TECPR1: variants seen among roughly 807,000 people sequenced by gnomAD.
The protein encoded by TECPR1 is tectonin beta-propeller repeat containing 1, also known as tectonin beta-propeller repeat-containing protein 1.
TECPR1 carries 122 observed loss-of-function variants against 162.4 expected under a neutral mutation model. That is an observed-to-expected ratio of 0.75 (90% CI 0.65 to 0.87). TECPR1 has a LOEUF of 0.87. Ranked by LOEUF, TECPR1 falls within the 40% of genes least tolerant of loss-of-function variation. The pLI, the probability that TECPR1 is intolerant of heterozygous loss-of-function variation, is 0.00. For synonymous variants in TECPR1, 642 were observed against 670.6 expected, an observed-to-expected ratio of 0.96 and a Z score of 0.66; for missense variants, 1,432 against 1,618.2, an observed-to-expected ratio of 0.88 and a Z score of 1.97.
rs1264095030 is a variant in TECPR1 at position 98,236,765 on chromosome 7, C to A, written c.1181+11G>T. The A allele has an allele frequency of 1.3e-6, 2 of 1,593,350 alleles. No homozygotes were observed. Among genetic ancestry groups the A allele is most frequent in the East Asian group, 4.6e-5 (2 of 43,538 alleles). ...AGCCTGACTCCTGCGCACCCTGCCA[C>A]CCCCAGTCACCTGAGGAGACTAGAC... On this transcript the variant is annotated intron_variant, in intron 10 of 25. Transcript: ENST00000447648.
Position 98,216,904 on chromosome 7 carries a change from C to G in TECPR1, c.*486G>C, listed in dbSNP as rs552804933. On this transcript the variant is annotated 3_prime_UTR_variant, in exon 26 of 26. Coordinates refer to ENST00000447648, the MANE Select transcript of TECPR1 (RefSeq NM_015395.3). ...TGAAATTAAAGCCTCTTTGCAAGTCCTGCTCTGAGAAATGGTCACTGCACA... is the reference window on the plus strand; with the variant it reads ...TGAAATTAAAGCCTCTTTGCAAGTCGTGCTCTGAGAAATGGTCACTGCACA... 6.4e-6 allele frequency: 1 copy of G among 156,864 alleles called. No individual in the cohort carries two copies. Among genetic ancestry groups the G allele is most frequent in the African/African-American group, 2.4e-5 (1 of 41,648 alleles). The allele number at this position is 156,864 out of a possible 1,614,324, so 9.7% of individuals were successfully genotyped here. A position where few individuals can be genotyped will look rare whatever the true frequency, so the allele number is the denominator to read the frequency against.
At chr7:98,245,823 G>T in intron 3 of TECPR1, 99 bp downstream of exon 3, 1 of 1,095,136 alleles carries the variant, frequency 9.1e-7, no homozygotes. Context: ...GGAACTGGTG[G>T]GGAATCTGGG....
At chr7:98,240,764 A>T in intron 8 of TECPR1, 87 bp downstream of exon 8, 1 of 1,154,460 alleles carries the variant, frequency 8.7e-7, no homozygotes, top group Non-Finnish European at 1.2e-6. Flanking sequence ...TCTGTCACCC[A>T]GGCTGGAGTC....
At position 98,233,455 on chromosome 7, in the gene TECPR1, T is replaced by C; in HGVS notation, c.1638A>G (p.Ala546=). ...CAGTGAACCATCTGGGCATGGCACA[T>C]GCCTCCACCACGCAGCCGCCTCCCG... ...WVSGGGCVVE[A]CAMPRWFTVQ... Residue 546 remains alanine (A), a synonymous_variant, in exon 11 of 26, where the codon GCA becomes GCG. Coordinates refer to ENST00000447648, the MANE Select transcript of TECPR1 (RefSeq NM_015395.3). 1 of 1,473,832 alleles carries C rather than the reference T, an allele frequency of 6.8e-7. No homozygotes were observed. The highest frequency in any genetic ancestry group is 9.0e-7 in the Non-Finnish European group (1 of 1,113,860). The allele number at this position is 1,473,832 out of a possible 1,614,324, so 91.3% of individuals were successfully genotyped here.
chr7:98,233,608 G>A lies in TECPR1; in HGVS notation c.1485C>T (p.Ala495=), dbSNP rs1798512272. The A allele has an allele frequency of 6.3e-7, 1 of 1,587,260 alleles. No individual in the cohort carries two copies. Among genetic ancestry groups the A allele is most frequent in the South Asian group, 1.1e-5 (1 of 87,226 alleles). ...LPWTNIDLKE[A]KKVPSHSAAG... Reference sequence around the variant, plus strand: ...CGGCCGAGTGGCTGGGCACTTTCTTGGCCTCCTTGAGGTCAATATTGGTCC... The same window carrying A: ...CGGCCGAGTGGCTGGGCACTTTCTTAGCCTCCTTGAGGTCAATATTGGTCC... Residue 495 remains alanine (A), a synonymous_variant, in exon 11 of 26, where the codon GCC becomes GCT. Coordinates refer to ENST00000447648, the MANE Select transcript of TECPR1 (RefSeq NM_015395.3).
intron 11 of TECPR1, 107 bp from the exon 12 acceptor site, chr7:98,233,079 T>C: frequency 7.5e-7 from 1 of 1,332,026 alleles, no homozygotes; most frequent in Non-Finnish European, 1.0e-6. Context: ...GCTCAAAAGC[T>C]ACGCTCTCTG....
In TECPR1 at chr7:98,241,104, C is replaced by T. The variant is rs757898716; in HGVS notation, c.798G>A (p.Leu266=). The T allele has an allele frequency of 3.7e-6, 6 of 1,610,496 alleles. No homozygotes were observed. The highest frequency in any genetic ancestry group is 3.4e-6 in the Non-Finnish European group (4 of 1,178,606). Residue 266 remains leucine (L), a synonymous_variant, in exon 7 of 26, where the codon CTG becomes CTA. Coordinates refer to ENST00000447648, the MANE Select transcript of TECPR1 (RefSeq NM_015395.3). This position sits in a 1 kb window ranked among gnomAD's most constrained non-coding sequence, Gnocchi z 5.0. ...TGCTCCTGTTGATTCCTTCCCGGAC[C>T]AGGGCCTGTCCCTCCCAGAGTGTGG... is the stretch of plus-strand genomic sequence containing the variant. ...LWATLWEGQA[L]VREGINRSNP... is the part of the protein sequence containing the mutation.
intron 15 of TECPR1, among the ~76,000 whole-genome samples, chr7:98,230,193 G>T (rs2116566784): frequency 6.6e-6 from 1 of 150,816 alleles, no homozygotes; most frequent in African/African-American, 2.4e-5. Flanking sequence ...TTTTTGTAGA[G>T]ACGAGTCTAG....
In TECPR1 at chr7:98,225,059, GC is replaced by G; in HGVS notation, c.2556del (p.Leu853CysfsTer53). ...GTGCCAGCCTTCGTGCACTCCTGCAGCCCCGAGGCATCGCTCCACATGTACC... is the reference window on the plus strand; with the variant it reads ...GTGCCAGCCTTCGTGCACTCCTGCAGCCCGAGGCATCGCTCCACATGTACC... ...TDRYMWSDAS[G>X]LQECTKAGTK... On this transcript the variant is annotated frameshift_variant, in exon 18 of 26. Transcript: ENST00000447648. LOFTEE classifies it high-confidence loss of function. The G allele has an allele frequency of 1.3e-6, 2 of 1,567,300 alleles. No homozygotes were observed. Among genetic ancestry groups the G allele is most frequent in the Admixed American group, 1.9e-5 (1 of 52,782 alleles).
At chr7:98,230,005 T>C (rs1303626903) in intron 15 of TECPR1, among the ~76,000 whole-genome samples, 1 of 150,698 alleles carries the variant, frequency 6.6e-6, no homozygotes, top group Non-Finnish European at 1.5e-5. Flanking sequence ...TTTTTTTTTT[T>C]TCTGAGACAG....
chr7:98,222,806 C>A, intron 21 of TECPR1, 184 bp downstream of exon 21: 1 of 883,448 alleles, frequency 1.1e-6, no homozygotes, highest in Non-Finnish European at 1.8e-6. Context: ...CCTTGGCCCA[C>A]CTCTGTCACC....
Position 98,232,008 on chromosome 7 carries a change from C to A in TECPR1, c.1819-49G>T. The stretch of plus-strand genomic sequence containing the variant: ...ACCATCACAGGCAGGCCCGGGGTGC[C>A]AGGGGAGGAGGGCGGGGCTGGGGGT... On this transcript the variant is annotated intron_variant, in intron 12 of 25. Coordinates refer to ENST00000447648, the MANE Select transcript of TECPR1 (RefSeq NM_015395.3). This position sits in a 1 kb window ranked among gnomAD's most constrained non-coding sequence, Gnocchi z 4.6. The A allele has an allele frequency of 6.4e-7, 1 of 1,552,082 alleles. No homozygotes were observed. Among genetic ancestry groups the A allele is most frequent in the Non-Finnish European group, 8.7e-7 (1 of 1,151,314 alleles).
chr7:98,238,387 C>T (rs927340885), intron 9 of TECPR1, 122 bp downstream of exon 9: 1 of 800,872 alleles, frequency 1.2e-6, no homozygotes, highest in Non-Finnish European at 2.1e-6. Context: ...GAACTTCTTG[C>T]TCAGTACAAT....
At chr7:98,228,409 A>T in intron 16 of TECPR1, 4 of 384,228 alleles carry the variant, frequency 1.0e-5, no homozygotes, top group Admixed American at 3.6e-5. Flanking sequence ...TTGCCCTCCT[A>T]CTTAGCACCA....
Position 98,236,965 on chromosome 7 carries a change from C to T in TECPR1, c.1036-44G>A, listed in dbSNP as rs772793429. ...GTTCCGAGGAATCTGGGCGCAGGCCCGGGGGCTCTTCTCGCTTCCTAGGGG... is the reference window on the plus strand; with the variant it reads ...GTTCCGAGGAATCTGGGCGCAGGCCTGGGGGCTCTTCTCGCTTCCTAGGGG... On this transcript the variant is annotated intron_variant, in intron 9 of 25. Coordinates refer to ENST00000447648, the MANE Select transcript of TECPR1 (RefSeq NM_015395.3). 88 of 1,483,108 alleles carry T rather than the reference C, an allele frequency of 5.9e-5. 1 individual carries two copies. The highest frequency in any genetic ancestry group is 1.8e-4 in the Middle Eastern group (1 of 5,652). 91.9% of individuals were successfully genotyped at this position (1,483,108 alleles called of 1,614,324 possible).
At chr7:98,233,019 A>T (rs938659128) in intron 11 of TECPR1, 47 bp from the exon 12 acceptor site, 12 of 1,541,394 alleles carry the variant, frequency 7.8e-6, no homozygotes, top group Non-Finnish European at 1.0e-5. Context: ...TCCTGCCCGC[A>T]GCTGGGCAGG....
intron 23 of TECPR1, among the ~76,000 whole-genome samples, chr7:98,218,305 C>T (rs906516018): frequency 1.5e-4 from 23 of 152,212 alleles, no homozygotes; most frequent in African/African-American, 5.5e-4. Context: ...TTGTGCTGGG[C>T]ACGGCCGGCC....
chr7:98,232,720 GA>G lies in TECPR1; in HGVS notation c.1818+106del. 7.4e-7 allele frequency: 1 copy of G among 1,354,078 alleles called. No individual in the cohort carries two copies. Among genetic ancestry groups the G allele is most frequent in the African/African-American group, 1.5e-5 (1 of 68,096 alleles). 83.9% of individuals were successfully genotyped at this position (1,354,078 alleles called of 1,614,324 possible). On this transcript the variant is annotated intron_variant, in intron 12 of 25. Coordinates refer to ENST00000447648, the MANE Select transcript of TECPR1 (RefSeq NM_015395.3). This position sits in a 1 kb window ranked among gnomAD's most constrained non-coding sequence, Gnocchi z 4.6. ...CCTGCATCTGGGCGGGAGACCAGGGGATGGAGGCATCTATCTGTTTCTCTCA... is the reference window on the plus strand; with the variant it reads ...CCTGCATCTGGGCGGGAGACCAGGGGTGGAGGCATCTATCTGTTTCTCTCA...
At chr7:98,249,427 T>C (rs1007678380) in intron 2 of TECPR1, among the ~76,000 whole-genome samples, 7 of 152,014 alleles carry the variant, frequency 4.6e-5, no homozygotes, top group South Asian at 2.1e-4. Context: ...GTCAAACATA[T>C]GAGAAAATCA....
Sources: gnomAD v4.1 joint callset for allele counts (sites outside exome capture counted in the v4.1 genomes callset) on GRCh38, gnomAD v4.1.1 for gene constraint, Gnocchi (gnomAD v3.1) non-coding constraint, MANE v1.5 for transcripts, NCBI Gene and HGNC (gene_info 2026-07-23, HGNC 2026-07-21) for gene names.